Variants in COL23A1 observed in about 807,000 individuals in gnomAD.
COL23A1 encodes the protein collagen type XXIII alpha 1 chain.
COL23A1 carries 97 observed loss-of-function variants against 99.3 expected under a neutral mutation model. The observed-to-expected ratio is 0.98, with a 90% confidence interval of 0.83 to 1.16. The LOEUF (loss-of-function observed/expected upper bound fraction) is 1.16, where lower values mean the gene tolerates loss of function less well. Ranked by LOEUF, COL23A1 falls within the 50% of genes most tolerant of loss-of-function variation. The probability of loss-of-function intolerance (pLI) is 0.00; values close to 1 mark genes in which losing one functional copy is unlikely to be tolerated. For synonymous variants in COL23A1, 320 were observed against 308.2 expected, an observed-to-expected ratio of 1.04 and a Z score of -0.40; for missense variants, 762 against 757.4, an observed-to-expected ratio of 1.01 and a Z score of -0.07.
chr5:178,582,451 C>T (rs941459433), intron 1 of COL23A1, among the ~76,000 whole-genome samples: 8 of 152,128 alleles, frequency 5.3e-5, no homozygotes, highest in African/African-American at 1.7e-4. Context: ...AGAATTATTT[C>T]GAGAGAAGGG....
chr5:178,465,288 G>A (rs777102674), intron 2 of COL23A1, among the ~76,000 whole-genome samples: 48 of 152,186 alleles, frequency 3.2e-4, no homozygotes, highest in Non-Finnish European at 1.3e-4. Flanking sequence ...CGAGCTCTGG[G>A]ACTTAGAACA....
rs568025549 is a variant in COL23A1, at chr5:178,297,947, G to C, written c.407-7578C>G. ...CCTGCAGCAAGCTGGGCATCCAACA[G>C]TGATGGATGTGACAGAGGGGTTGGT... On this transcript the variant is annotated intron_variant, in intron 3 of 28. Coordinates refer to ENST00000390654, the MANE Select transcript of COL23A1 (RefSeq NM_173465.4). Among the ~76,000 whole-genome samples, 11 of 152,346 alleles carry C rather than the reference G, an allele frequency of 7.2e-5. No individual in the cohort carries two copies. In the East Asian group the frequency reaches 2.1e-3, roughly 29 times the overall value.
At chr5:178,419,339 A>G (rs1258114710) in intron 2 of COL23A1, among the ~76,000 whole-genome samples, 1 of 152,240 alleles carries the variant, frequency 6.6e-6, no homozygotes, top group Non-Finnish European at 1.5e-5. Flanking sequence ...CTGAGGACAC[A>G]GGAACAGCAG....
intron 2 of COL23A1, among the ~76,000 whole-genome samples, chr5:178,441,957 T>C (rs1365228810): frequency 6.6e-6 from 1 of 151,946 alleles, no homozygotes; most frequent in Non-Finnish European, 1.5e-5. Flanking sequence ...AGGCAGAGGG[T>C]CCAGTGGCTC....
At position 178,452,796 on chromosome 5, in the gene COL23A1, T is replaced by A. The variant is rs1767561410; in HGVS notation, c.361+107886A>T. 2.0e-5 allele frequency among the ~76,000 whole-genome samples: 3 copies of A among 152,128 alleles called. No individual in the cohort carries two copies. In the South Asian group the frequency reaches 6.2e-4, roughly 31 times the overall value. The stretch of plus-strand genomic sequence containing the variant: ...CCCAGATCCAATACCTGTTAATACA[T>A]GGAGGTGAGGGGATGGTGCACCAGG... On this transcript the variant is annotated intron_variant, in intron 2 of 28. Coordinates refer to ENST00000390654, the MANE Select transcript of COL23A1 (RefSeq NM_173465.4).
At chr5:178,576,272 T>C (rs1763351878) in intron 1 of COL23A1, among the ~76,000 whole-genome samples, 2 of 152,130 alleles carry the variant, frequency 1.3e-5, no homozygotes, top group Admixed American at 6.5e-5. Flanking sequence ...AGTCTCACTC[T>C]TGTCGCCCCA....
In COL23A1 at chr5:178,307,789, A is replaced by G. The variant is rs1413864356; in HGVS notation, c.362-870T>C. Among the ~76,000 whole-genome samples the G allele has an allele frequency of 6.6e-6, 1 of 152,160 alleles. No individual in the cohort carries two copies. Among genetic ancestry groups the G allele is most frequent in the Non-Finnish European group, 1.5e-5 (1 of 68,044 alleles). Reference sequence around the variant, plus strand: ...TGCAGGTACAAGATTGCAATGTGTAAATGGCATTTGATACGTCTTGCTCAC... The same window carrying G: ...TGCAGGTACAAGATTGCAATGTGTAGATGGCATTTGATACGTCTTGCTCAC... On this transcript the variant is annotated intron_variant, in intron 2 of 28. Transcript: ENST00000390654. The surrounding 1 kb of genome is among the most constrained non-coding windows in gnomAD (Gnocchi z 4.2).
intron 2 of COL23A1, among the ~76,000 whole-genome samples, chr5:178,506,884 G>A (rs754012188): frequency 1.3e-5 from 2 of 152,100 alleles, no homozygotes; most frequent in Non-Finnish European, 2.9e-5. Context: ...GAATTACTGC[G>A]TTCAAAGTCA....
intron 2 of COL23A1, among the ~76,000 whole-genome samples, chr5:178,502,212 A>G (rs1291246280): frequency 1.3e-5 from 2 of 152,166 alleles, no homozygotes; most frequent in Admixed American, 6.5e-5. Flanking sequence ...GCCCACTGCA[A>G]GCTCTGCCTC....
At chr5:178,426,810 C>G (rs934233714) in intron 2 of COL23A1, among the ~76,000 whole-genome samples, 5 of 152,224 alleles carry the variant, frequency 3.3e-5, no homozygotes, top group African/African-American at 1.2e-4. Flanking sequence ...GGGCCAAAGG[C>G]CTTCACAGAT....
chr5:178,307,230 T>C lies in COL23A1; in HGVS notation c.362-311A>G, dbSNP rs1171793348. Among the ~76,000 whole-genome samples, 2 of 152,176 alleles carry C rather than the reference T, an allele frequency of 1.3e-5. No homozygotes were observed. The highest frequency in any genetic ancestry group is 4.8e-5 in the African/African-American group (2 of 41,442). On this transcript the variant is annotated intron_variant, in intron 2 of 28. Coordinates refer to ENST00000390654, the MANE Select transcript of COL23A1 (RefSeq NM_173465.4). This position sits in a 1 kb window ranked among gnomAD's most constrained non-coding sequence, Gnocchi z 4.2. The stretch of plus-strand genomic sequence containing the variant: ...CCTCCCCTAATCACAAAGATTCCCA[T>C]GGGAGGCTCCTGAGGCAGATGCGTT...
At chr5:178,426,486 C>T (rs1029728232) in intron 2 of COL23A1, among the ~76,000 whole-genome samples, 7 of 152,260 alleles carry the variant, frequency 4.6e-5, no homozygotes, top group Non-Finnish European at 1.0e-4. Context: ...CTGCCGGACA[C>T]AGACCAGCTT....
At chr5:178,347,549 C>T (rs1203982123) in intron 2 of COL23A1, among the ~76,000 whole-genome samples, 1 of 151,686 alleles carries the variant, frequency 6.6e-6, no homozygotes, top group African/African-American at 2.4e-5. Context: ...GAGTCATACA[C>T]TTTAAATGGT....
At chr5:178,467,799 C>CA (rs1181974475) in intron 2 of COL23A1, among the ~76,000 whole-genome samples, 7 of 151,992 alleles carry the variant, frequency 4.6e-5, no homozygotes, top group Non-Finnish European at 1.0e-4. Flanking sequence ...TTCCACTTGC[C>CA]AAAAATAGAA....
chr5:178,245,300 T>TC (rs1259946928), intron 25 of COL23A1, among the ~76,000 whole-genome samples: 5 of 133,238 alleles, frequency 3.8e-5, no homozygotes, highest in African/African-American at 1.2e-4. Flanking sequence ...ACTGCCATCA[T>TC]CATCCATCCA....
intron 1 of COL23A1, among the ~76,000 whole-genome samples, chr5:178,571,468 C>T (rs567433460): frequency 9.9e-5 from 15 of 152,242 alleles, no homozygotes; most frequent in African/African-American, 2.9e-4. Flanking sequence ...CTAGGTGAAA[C>T]ACTGCTCTAG....
chr5:178,523,714 C>T (rs2113108025), intron 2 of COL23A1: 1 of 152,282 alleles, frequency 6.6e-6, no homozygotes, highest in Middle Eastern at 3.4e-3. Context: ...CCTGCACACT[C>T]TGAAAAAAAT....
Position 178,387,102 on chromosome 5 carries a change from G to A in COL23A1, c.362-80183C>T, listed in dbSNP as rs188635188. On this transcript the variant is annotated intron_variant, in intron 2 of 28. Transcript: ENST00000390654. The surrounding 1 kb of genome is among the most constrained non-coding windows in gnomAD (Gnocchi z 4.7). Reference sequence around the variant, plus strand: ...CACCCCCACCTTATTTCTCTCCCACGGCAGCTTCTCATCACCCCGTCTGGA... The same window carrying A: ...CACCCCCACCTTATTTCTCTCCCACAGCAGCTTCTCATCACCCCGTCTGGA... Among the ~76,000 whole-genome samples the A allele has an allele frequency of 6.6e-6, 1 of 151,968 alleles. No individual in the cohort carries two copies. The highest frequency in any genetic ancestry group is 1.5e-5 in the Non-Finnish European group (1 of 67,968).
intron 2 of COL23A1, among the ~76,000 whole-genome samples, chr5:178,327,861 G>C (rs1051748785): frequency 1.3e-5 from 2 of 152,148 alleles, no homozygotes; most frequent in East Asian, 1.9e-4. Context: ...AGAGCTACCC[G>C]AACAGTCCTG....
Sources: gnomAD v4.1 joint callset for allele counts (sites outside exome capture counted in the v4.1 genomes callset) on GRCh38, gnomAD v4.1.1 for gene constraint, Gnocchi (gnomAD v3.1) non-coding constraint, MANE v1.5 for transcripts, NCBI Gene and HGNC (gene_info 2026-07-23, HGNC 2026-07-21) for gene names.